The following GALNT10 variants were observed in gnomAD, a reference collection of about 807,000 sequenced individuals.
The protein encoded by GALNT10 is polypeptide N-acetylgalactosaminyltransferase 10.
Under a neutral mutation model 75.0 loss-of-function variants are expected in GALNT10, and 41 were observed. That is an observed-to-expected ratio of 0.55 (90% CI 0.43 to 0.71). GALNT10 has a LOEUF of 0.71. Ranked by LOEUF, GALNT10 falls within the 30% of genes least tolerant of loss-of-function variation. GALNT10 has a pLI of 0.00. For missense variants in GALNT10, 727 were observed against 818.5 expected (o/e 0.89, Z 1.36); for synonymous variants, 302 against 313.0 (o/e 0.96, Z 0.37).
At chr5:154,337,752 C>G (rs1298976607) in intron 4 of GALNT10, 4 of 1,190,498 alleles carry the variant, frequency 3.4e-6, no homozygotes, top group Non-Finnish European at 4.9e-6. Context: ...ACCAAAGCCA[C>G]CACAACCACT....
chr5:154,383,301 G>T (rs1325661217), intron 6 of GALNT10, among the ~76,000 whole-genome samples: 1 of 152,178 alleles, frequency 6.6e-6, no homozygotes, highest in Non-Finnish European at 1.5e-5. Context: ...GCACAGCATG[G>T]TGCAAGGATG....
At chr5:154,246,207 A>G (rs1283077389) in intron 1 of GALNT10, among the ~76,000 whole-genome samples, 4 of 152,096 alleles carry the variant, frequency 2.6e-5, no homozygotes, top group South Asian at 2.1e-4. Flanking sequence ...CCAGTCTATC[A>G]TTGTTGGACA....
chr5:154,291,885 G>A (rs182430752), intron 1 of GALNT10, among the ~76,000 whole-genome samples: 1 of 152,360 alleles, frequency 6.6e-6, no homozygotes, highest in Admixed American at 6.5e-5. Flanking sequence ...GGTAGGGACT[G>A]TGGCAAACTG....
chr5:154,389,757 C>T (rs539981265), intron 7 of GALNT10, among the ~76,000 whole-genome samples: 79 of 151,898 alleles, frequency 5.2e-4, no homozygotes, highest in Non-Finnish European at 9.7e-4. Flanking sequence ...AAAAATAATA[C>T]AATTAAAAGT....
chr5:154,327,188 C>G (rs937726634), intron 3 of GALNT10, among the ~76,000 whole-genome samples: 3 of 151,038 alleles, frequency 2.0e-5, no homozygotes, highest in African/African-American at 7.3e-5. Context: ...TGCACTCCAG[C>G]CTGGGTGACA....
At chr5:154,279,873 C>T (rs1045012758) in intron 1 of GALNT10, among the ~76,000 whole-genome samples, 4 of 152,080 alleles carry the variant, frequency 2.6e-5, no homozygotes, top group Non-Finnish European at 5.9e-5. Flanking sequence ...GGAAGTTCCT[C>T]AGAAAGCTAA....
chr5:154,226,732 C>G (rs1161908726), intron 1 of GALNT10, among the ~76,000 whole-genome samples: 3 of 152,094 alleles, frequency 2.0e-5, no homozygotes, highest in African/African-American at 7.2e-5. Flanking sequence ...TGTAAGTTTT[C>G]ACATATCTAT....
chr5:154,256,676 A>C (rs1168162651), intron 1 of GALNT10, among the ~76,000 whole-genome samples: 1 of 152,132 alleles, frequency 6.6e-6, no homozygotes, highest in East Asian at 1.9e-4. Flanking sequence ...TGTTTGGTTC[A>C]CATATTCTTC....
chr5:154,279,296 G>GTTTTTTTTTTT lies in GALNT10; in HGVS notation c.160-15518_160-15517insTTTTTTTTTTT, dbSNP rs111488218. Reference sequence around the variant, plus strand: ...AGTTTTTGTTGTTGTTGTTGTTGTTGTTGTTTTGTTTTTTTTTTTTTTTTG... The same window carrying GTTTTTTTTTTT: ...AGTTTTTGTTGTTGTTGTTGTTGTTGTTTTTTTTTTTTTGTTTTGTTTTTTTTTTTTTTTTG... On this transcript the variant is annotated intron_variant, in intron 1 of 11. Transcript: ENST00000297107. Among the ~76,000 whole-genome samples the GTTTTTTTTTTT allele has an allele frequency of 4.8e-5, 4 of 83,844 alleles. 1 individual carries two copies. The highest frequency in any genetic ancestry group is 1.0e-4 in the African/African-American group (3 of 29,346). 55.0% of individuals were successfully genotyped at this position (83,844 alleles called of 152,430 possible). A position where few individuals can be genotyped will look rare whatever the true frequency, so the allele number is the denominator to read the frequency against.
At chr5:154,357,605 G>A (rs71590133) in intron 4 of GALNT10, among the ~76,000 whole-genome samples, 5,045 of 152,184 alleles carry the variant, frequency 0.033, 126 homozygotes, top group Middle Eastern at 0.068. Flanking sequence ...TTTAAAATCT[G>A]ATTGAATTGC....
At chr5:154,335,531 T>G (rs1004609603) in intron 4 of GALNT10, among the ~76,000 whole-genome samples, 3 of 152,164 alleles carry the variant, frequency 2.0e-5, no homozygotes, top group South Asian at 4.1e-4. Flanking sequence ...AAGCACAGGC[T>G]GGGAGTCGAG....
At chr5:154,398,548 G>T (rs967596438) in intron 7 of GALNT10, among the ~76,000 whole-genome samples, 2 of 152,192 alleles carry the variant, frequency 1.3e-5, no homozygotes, top group African/African-American at 4.8e-5. Context: ...TCTGGGCTGG[G>T]GATGGAGATA....
intron 7 of GALNT10, among the ~76,000 whole-genome samples, chr5:154,401,009 G>C (rs2113207909): frequency 6.6e-6 from 1 of 152,256 alleles, no homozygotes; most frequent in African/African-American, 2.4e-5. Flanking sequence ...CCTGTGCTGG[G>C]CAGGGAAGCC....
rs528729641 is a variant in GALNT10, at chr5:154,401,740, G to A, written c.1057-2364G>A. 1.3e-4 allele frequency among the ~76,000 whole-genome samples: 20 copies of A among 152,254 alleles called. No homozygotes were observed. In the South Asian group the frequency reaches 2.1e-3, roughly 16 times the overall value. On this transcript the variant is annotated intron_variant, in intron 7 of 11. Coordinates refer to ENST00000297107, the MANE Select transcript of GALNT10 (RefSeq NM_198321.4). Reference sequence around the variant, plus strand: ...ATCAGGGCTGGGGATGGAGACAGCAGGAAGTAGTGGGGGACAAAGGACCTT... The same window carrying A: ...ATCAGGGCTGGGGATGGAGACAGCAAGAAGTAGTGGGGGACAAAGGACCTT...
chr5:154,391,771 G>A (rs1454089212), intron 7 of GALNT10, among the ~76,000 whole-genome samples: 1 of 152,172 alleles, frequency 6.6e-6, no homozygotes, highest in Non-Finnish European at 1.5e-5. Context: ...ATCTCACTCG[G>A]GCTAGGTCTC....
intron 4 of GALNT10, among the ~76,000 whole-genome samples, chr5:154,373,818 T>C (rs1755613862): frequency 6.6e-6 from 1 of 152,170 alleles, no homozygotes; most frequent in Non-Finnish European, 1.5e-5. Context: ...CCACAAGCTG[T>C]CAGAAGGCCT....
chr5:154,239,316 C>T (rs6893675), intron 1 of GALNT10, among the ~76,000 whole-genome samples: 22,686 of 152,172 alleles, frequency 0.15, 1,863 homozygotes, highest in Non-Finnish European at 0.18. Context: ...TCACCCTGGG[C>T]AGGGCACGTA....
intron 1 of GALNT10, among the ~76,000 whole-genome samples, chr5:154,201,574 T>TTTGTTG (rs548986990): frequency 2.0e-5 from 3 of 151,948 alleles, no homozygotes; most frequent in Non-Finnish European, 2.9e-5. Flanking sequence ...CTAATAAAGT[T>TTTGTTG]TTGTTGTTGT....
chr5:154,360,947 T>C (rs1755376153), intron 4 of GALNT10, among the ~76,000 whole-genome samples: 3 of 152,256 alleles, frequency 2.0e-5, no homozygotes, highest in Non-Finnish European at 4.4e-5. Context: ...GCAAAGCCTA[T>C]ATTTGATACT....
Sources: gnomAD v4.1 joint callset for allele counts (sites outside exome capture counted in the v4.1 genomes callset) on GRCh38, gnomAD v4.1.1 for gene constraint, MANE v1.5 for transcripts, NCBI Gene and HGNC (gene_info 2026-07-23, HGNC 2026-07-21) for gene names.